GNAL: variants seen among roughly 807,000 people sequenced by gnomAD.
GNAL encodes the protein guanine nucleotide-binding protein G(olf) subunit alpha.
Under a neutral mutation model 55.1 loss-of-function variants are expected in GNAL, and 18 were observed. The ratio of observed to expected loss-of-function variants is 0.33; its 90% CI spans 0.23 to 0.48. The LOEUF is 0.48. Ranked by LOEUF, GNAL falls within the 20% of genes least tolerant of loss-of-function variation. The pLI is 0.99. For synonymous variants in GNAL, 253 were observed against 237.0 expected (o/e 1.07, Z -0.62); for missense variants, 412 against 614.1 (o/e 0.67, Z 3.48).
At chr18:11,771,643 G>A (rs57555937) in intron 4 of GNAL, among the ~76,000 whole-genome samples, 17,123 of 152,138 alleles carry the variant, frequency 0.11, 1,310 homozygotes, top group East Asian at 0.32. Flanking sequence ...TGAAGAATGG[G>A]TGAATTCAGC....
chr18:11,843,835 T>C (rs1375136697), intron 5 of GNAL, among the ~76,000 whole-genome samples: 1 of 151,888 alleles, frequency 6.6e-6, no homozygotes, highest in Non-Finnish European at 1.5e-5. Context: ...TAGCAGGGCA[T>C]GGTGGTGCAT....
chr18:11,785,846 T>C (rs1226334803), intron 4 of GNAL, among the ~76,000 whole-genome samples: 2 of 152,204 alleles, frequency 1.3e-5, no homozygotes, highest in East Asian at 3.9e-4. Flanking sequence ...GTTGAGCTGT[T>C]ATTGAAGGTC....
At chr18:11,863,168 C>T (rs187438436) in intron 6 of GNAL, among the ~76,000 whole-genome samples, 3 of 152,176 alleles carry the variant, frequency 2.0e-5, no homozygotes, top group African/African-American at 4.8e-5. Flanking sequence ...CGTGAGCCAC[C>T]GTGCCCAGCC....
intron 4 of GNAL, among the ~76,000 whole-genome samples, chr18:11,775,739 C>T (rs764796762): frequency 2.6e-5 from 4 of 152,188 alleles, no homozygotes; most frequent in Non-Finnish European, 4.4e-5. Flanking sequence ...AACACAAATA[C>T]AGTGACTGAC....
intron 5 of GNAL, among the ~76,000 whole-genome samples, chr18:11,840,407 C>G (rs2035587350): frequency 6.6e-6 from 1 of 152,112 alleles, no homozygotes; most frequent in African/African-American, 2.4e-5. Flanking sequence ...ATCGTTTTGC[C>G]AAAAAAGGAA....
intron 5 of GNAL, among the ~76,000 whole-genome samples, chr18:11,844,213 C>T (rs2035681807): frequency 6.6e-6 from 1 of 152,188 alleles, no homozygotes; most frequent in Non-Finnish European, 1.5e-5. Flanking sequence ...GCAGGCAGAT[C>T]ACCTGAGGTC....
chr18:11,780,426 C>T (rs934805528), intron 4 of GNAL, among the ~76,000 whole-genome samples: 6 of 151,902 alleles, frequency 3.9e-5, no homozygotes, highest in East Asian at 3.9e-4. Context: ...TGCCAACTCT[C>T]GGTTTTAAAT....
At chr18:11,753,138 T>C (rs921043450) in intron 2 of GNAL, among the ~76,000 whole-genome samples, 1 of 152,216 alleles carries the variant, frequency 6.6e-6, no homozygotes, top group African/African-American at 2.4e-5. Flanking sequence ...CTTAACAAAA[T>C]ATGATTTATA....
At chr18:11,877,441 C>T (rs541587687) in intron 11 of GNAL, among the ~76,000 whole-genome samples, 9 of 151,622 alleles carry the variant, frequency 5.9e-5, no homozygotes, top group Admixed American at 1.3e-4. Flanking sequence ...GCCGACAGAG[C>T]GAGACTCTGT....
At chr18:11,849,501 C>CAAAAAAAAA (rs71172025) in intron 5 of GNAL, among the ~76,000 whole-genome samples, 6 of 130,442 alleles carry the variant, frequency 4.6e-5, no homozygotes, top group African/African-American at 1.3e-4. Flanking sequence ...GATTTCATCT[C>CAAAAAAAAA]AAAAAAAAAA....
intron 1 of GNAL, among the ~76,000 whole-genome samples, chr18:11,719,767 T>C (rs1253599848): frequency 6.6e-6 from 1 of 150,564 alleles, no homozygotes; most frequent in East Asian, 1.9e-4. Context: ...CACACCATGC[T>C]GCAGCAGCCA....
intron 4 of GNAL, among the ~76,000 whole-genome samples, chr18:11,802,258 T>C (rs944038326): frequency 4.6e-5 from 7 of 152,176 alleles, no homozygotes; most frequent in Non-Finnish European, 1.0e-4. Flanking sequence ...GGGTAAGAAC[T>C]GAAACCATTC....
chr18:11,696,410 C>A (rs554414225), intron 1 of GNAL, among the ~76,000 whole-genome samples: 1 of 151,478 alleles, frequency 6.6e-6, no homozygotes, highest in East Asian at 1.9e-4. Flanking sequence ...GAGGCTGAGG[C>A]AGGAGAATGG....
intron 4 of GNAL, among the ~76,000 whole-genome samples, chr18:11,760,378 A>G (rs146162375): frequency 6.6e-6 from 1 of 152,288 alleles, no homozygotes; most frequent in Non-Finnish European, 1.5e-5. Flanking sequence ...CTTTTGAGCT[A>G]GTGAGGTCTG....
chr18:11,713,164 G>A (rs1359404032), intron 1 of GNAL, among the ~76,000 whole-genome samples: 1 of 152,228 alleles, frequency 6.6e-6, no homozygotes, highest in African/African-American at 2.4e-5. Flanking sequence ...ACAAATGAAG[G>A]CCACCCAAAT....
intron 5 of GNAL, among the ~76,000 whole-genome samples, chr18:11,826,591 G>T (rs2035253665): frequency 6.6e-6 from 1 of 152,200 alleles, no homozygotes; most frequent in East Asian, 1.9e-4. Context: ...CCTGTGGGGT[G>T]CCTTGGGTTG....
At chr18:11,699,560 G>C (rs563344246) in intron 1 of GNAL, among the ~76,000 whole-genome samples, 1 of 112,752 alleles carries the variant, frequency 8.9e-6, no homozygotes, top group African/African-American at 5.0e-5. Flanking sequence ...TTTTTTTGAG[G>C]GGGGGGGTTG....
intron 1 of GNAL, among the ~76,000 whole-genome samples, chr18:11,698,833 G>T (rs765607491): frequency 2.0e-5 from 3 of 152,174 alleles, no homozygotes; most frequent in Non-Finnish European, 2.9e-5. Context: ...CTCAACCTCA[G>T]CTCCTCCAGC....
intron 1 of GNAL, among the ~76,000 whole-genome samples, chr18:11,707,176 C>T (rs1204519783): frequency 6.6e-6 from 1 of 152,142 alleles, no homozygotes; most frequent in Admixed American, 6.5e-5. Context: ...CTTGGCTAAT[C>T]CAGAAGGCTT....
Sources: allele counts gnomAD v4.1 joint callset (sites outside exome capture counted in the v4.1 genomes callset), GRCh38; gene constraint gnomAD v4.1.1; transcripts MANE v1.5; gene names NCBI Gene and HGNC (gene_info 2026-07-23, HGNC 2026-07-21).